The following RALYL variants were observed in gnomAD, a reference collection of about 807,000 sequenced individuals.
RALYL encodes RNA-binding Raly-like protein.
Under a neutral mutation model 35.1 loss-of-function variants are expected in RALYL, and 29 were observed. The observed-to-expected ratio is 0.83, with a 90% CI of 0.61 to 1.13. The LOEUF (loss-of-function observed/expected upper bound fraction) is 1.13, where lower values mean the gene tolerates loss of function less well. Among genes scored for constraint, RALYL ranks in the 50% most tolerant of loss-of-function variants. RALYL has a pLI of 0.00. For synonymous variants in RALYL, 120 were observed against 127.6 expected, an observed-to-expected ratio of 0.94 and a Z score of 0.40; for missense variants, 359 against 360.4, an observed-to-expected ratio of 1.00 and a Z score of 0.03.
chr8:84,372,886 G>GTTTTTTTTTTTTTGTTTT (rs1856071710), intron 1 of RALYL, among the ~76,000 whole-genome samples: 1 of 39,064 alleles, frequency 2.6e-5, no homozygotes, highest in Non-Finnish European at 4.5e-5. Flanking sequence ...GCCAGCATCT[G>GTTTTTTTTTTTTTGTTTT]TTTTTTTTTT....
At chr8:84,223,283 T>C (rs1341577214) in intron 1 of RALYL, among the ~76,000 whole-genome samples, 1 of 149,760 alleles carries the variant, frequency 6.7e-6, no homozygotes, top group Non-Finnish European at 1.5e-5. Context: ...TGTCTAGAAT[T>C]TAATATTGAA....
intron 2 of RALYL, among the ~76,000 whole-genome samples, chr8:84,559,579 G>T (rs2061349323): frequency 6.6e-6 from 1 of 151,972 alleles, no homozygotes; most frequent in African/African-American, 2.4e-5. Flanking sequence ...TAGTTTGGTA[G>T]GTTGGACTAT....
chr8:84,689,640 G>A (rs1837601709), intron 2 of RALYL, among the ~76,000 whole-genome samples: 1 of 152,064 alleles, frequency 6.6e-6, no homozygotes, highest in Non-Finnish European at 1.5e-5. Flanking sequence ...CTAGATCCCT[G>A]AGGAATCACC....
chr8:84,344,548 A>T (rs965477115), intron 1 of RALYL, among the ~76,000 whole-genome samples: 2 of 151,982 alleles, frequency 1.3e-5, no homozygotes, highest in African/African-American at 2.4e-5. Context: ...ATTTAATTTA[A>T]TTTTTTGTAA....
intron 1 of RALYL, among the ~76,000 whole-genome samples, chr8:84,465,201 C>T (rs2051407200): frequency 7.5e-6 from 1 of 134,034 alleles, no homozygotes; most frequent in Admixed American, 7.7e-5. Flanking sequence ...GTGTTTTAGA[C>T]ATGAAGTCCT....
intron 1 of RALYL, among the ~76,000 whole-genome samples, chr8:84,215,055 G>A (rs976176509): frequency 1.8e-4 from 28 of 151,826 alleles, no homozygotes; most frequent in African/African-American, 6.5e-4. Flanking sequence ...ACAGGCACCC[G>A]CCACTGTGCC....
At chr8:84,597,481 T>C (rs1174390412) in intron 2 of RALYL, among the ~76,000 whole-genome samples, 2 of 152,118 alleles carry the variant, frequency 1.3e-5, no homozygotes, top group Admixed American at 6.6e-5. Context: ...ATGAGTCCTA[T>C]ACTGACTGAC....
At chr8:84,381,277 CT>C (rs1431532587) in intron 1 of RALYL, among the ~76,000 whole-genome samples, 1 of 151,800 alleles carries the variant, frequency 6.6e-6, no homozygotes, top group Non-Finnish European at 1.5e-5. Flanking sequence ...ATATTTAGAT[CT>C]TTAAGACTCT....
At chr8:84,796,508 G>A (rs1431586506) in intron 3 of RALYL, among the ~76,000 whole-genome samples, 1 of 152,162 alleles carries the variant, frequency 6.6e-6, no homozygotes, top group Non-Finnish European at 1.5e-5. Flanking sequence ...ATAGGATTAT[G>A]TTATGTTTTA....
intron 3 of RALYL, among the ~76,000 whole-genome samples, chr8:84,795,714 T>G (rs1321169291): frequency 3.3e-5 from 5 of 152,200 alleles, no homozygotes; most frequent in Admixed American, 3.3e-4. Flanking sequence ...GTGGCAGACA[T>G]AGGTTAATTA....
chr8:84,786,260 G>T (rs1216199379), intron 3 of RALYL, among the ~76,000 whole-genome samples: 1 of 152,060 alleles, frequency 6.6e-6, no homozygotes, highest in African/African-American at 2.4e-5. Context: ...CCATGTATTT[G>T]CTATTGTGAA....
chr8:84,367,477 C>T (rs1488185352), intron 1 of RALYL, among the ~76,000 whole-genome samples: 1 of 150,410 alleles, frequency 6.6e-6, no homozygotes, highest in Non-Finnish European at 1.5e-5. Flanking sequence ...AGGCATGAGC[C>T]ACTAGCGCAG....
intron 2 of RALYL, among the ~76,000 whole-genome samples, chr8:84,640,917 T>C (rs2131369014): frequency 6.6e-6 from 1 of 152,058 alleles, no homozygotes; most frequent in East Asian, 1.9e-4. Context: ...CTAGTTCCCT[T>C]CTAATTATAG....
intron 1 of RALYL, among the ~76,000 whole-genome samples, chr8:84,388,882 A>G (rs1261940622): frequency 3.3e-5 from 5 of 152,024 alleles, no homozygotes; most frequent in Non-Finnish European, 5.9e-5. Context: ...TTTTGTTGCC[A>G]TTGCTTTTGG....
chr8:84,772,542 G>T (rs1170982565), intron 2 of RALYL, among the ~76,000 whole-genome samples: 2 of 151,664 alleles, frequency 1.3e-5, no homozygotes, highest in Admixed American at 1.3e-4. Context: ...TTTTCATTAA[G>T]GTCTTTCAAG....
intron 2 of RALYL, among the ~76,000 whole-genome samples, chr8:84,641,286 C>A (rs142670512): frequency 0.01 from 1,571 of 151,584 alleles, 33 homozygotes; most frequent in African/African-American, 0.035. Flanking sequence ...AAGAATACAA[C>A]TTACAGAATT....
At chr8:84,831,832 C>T (rs936102765) in intron 4 of RALYL, among the ~76,000 whole-genome samples, 1 of 151,984 alleles carries the variant, frequency 6.6e-6, no homozygotes, top group African/African-American at 2.4e-5. Context: ...TCATAATTGA[C>T]AAAAGGTGCA....
chr8:84,263,301 G>A (rs965862029), intron 1 of RALYL, among the ~76,000 whole-genome samples: 3 of 152,108 alleles, frequency 2.0e-5, no homozygotes, highest in Non-Finnish European at 4.4e-5. Context: ...ACAGTTGTCT[G>A]TCATACTTGA....
chr8:84,347,645 A>C (rs1850087649), intron 1 of RALYL, among the ~76,000 whole-genome samples: 1 of 152,114 alleles, frequency 6.6e-6, no homozygotes, highest in African/African-American at 2.4e-5. Flanking sequence ...AATCCAGGGA[A>C]GGACATAAGT....
Sources: allele counts gnomAD v4.1 joint callset (sites outside exome capture counted in the v4.1 genomes callset), GRCh38; gene constraint gnomAD v4.1.1; transcripts MANE v1.5; gene names NCBI Gene and HGNC (gene_info 2026-07-23, HGNC 2026-07-21).